The following GALNT10 variants were observed in gnomAD, a reference collection of about 807,000 sequenced individuals.
GALNT10 encodes the protein GalNAc transferase 10.
A neutral mutation model predicts 75.0 loss-of-function variants in GALNT10; 41 were observed. The ratio of observed to expected loss-of-function variants is 0.55; its 90% CI spans 0.43 to 0.71. The LOEUF (loss-of-function observed/expected upper bound fraction) is 0.71, where lower values mean the gene tolerates loss of function less well. GALNT10 is among the 30% of genes least tolerant of loss of function. GALNT10 has a pLI of 0.00. For synonymous variants in GALNT10, 302 were observed against 313.0 expected (o/e 0.96, Z 0.37); for missense variants, 727 against 818.5 (o/e 0.89, Z 1.36).
At chr5:154,356,839 G>A (rs1755304540) in intron 4 of GALNT10, among the ~76,000 whole-genome samples, 1 of 152,180 alleles carries the variant, frequency 6.6e-6, no homozygotes, top group Admixed American at 6.5e-5. Flanking sequence ...GGGTTTTGAG[G>A]GACCCGTTAT....
chr5:154,405,644 G>C (rs1338246077), intron 8 of GALNT10, among the ~76,000 whole-genome samples: 1 of 152,106 alleles, frequency 6.6e-6, no homozygotes, highest in African/African-American at 2.4e-5. Context: ...CAACCCTAAA[G>C]CATTCTTTTC....
At chr5:154,313,453 G>A (rs1561658293) in intron 3 of GALNT10, among the ~76,000 whole-genome samples, 1 of 152,100 alleles carries the variant, frequency 6.6e-6, no homozygotes, top group African/African-American at 2.4e-5. Flanking sequence ...GAAATCTCTG[G>A]TCCTAGTCAG....
chr5:154,231,245 T>G (rs1235397055), intron 1 of GALNT10, among the ~76,000 whole-genome samples: 2 of 152,242 alleles, frequency 1.3e-5, no homozygotes, highest in Admixed American at 1.3e-4. Context: ...GTTGGTATAA[T>G]GCATCCTCTT....
At chr5:154,251,118 G>A (rs770886448) in intron 1 of GALNT10, among the ~76,000 whole-genome samples, 8 of 152,092 alleles carry the variant, frequency 5.3e-5, no homozygotes, top group Non-Finnish European at 8.8e-5. Context: ...GTTATAAGGT[G>A]AACCCCTTTG....
Position 154,417,056 on chromosome 5 carries a change from G to A in GALNT10, c.*84G>A. ...TTCAAGGGAGGCAGGGCCCCTGTGG[G>A]CACTAGGTGTAAAAGGTGCTGGCCA... On this transcript the variant is annotated 3_prime_UTR_variant, in exon 12 of 12. Coordinates refer to ENST00000297107, the MANE Select transcript of GALNT10 (RefSeq NM_198321.4). The A allele has an allele frequency of 1.6e-6, 2 of 1,278,736 alleles. No homozygotes were observed. Among genetic ancestry groups the A allele is most frequent in the Non-Finnish European group, 2.2e-6 (2 of 893,760 alleles). 79.2% of individuals were successfully genotyped at this position (1,278,736 alleles called of 1,614,324 possible).
At chr5:154,246,942 G>C (rs566695345) in intron 1 of GALNT10, among the ~76,000 whole-genome samples, 4 of 152,150 alleles carry the variant, frequency 2.6e-5, no homozygotes, top group Non-Finnish European at 5.9e-5. Context: ...TATGGTTTTA[G>C]GTCTAACATT....
chr5:154,337,236 A>C (rs141304973), intron 4 of GALNT10, among the ~76,000 whole-genome samples: 1 of 152,358 alleles, frequency 6.6e-6, no homozygotes, highest in East Asian at 1.9e-4. Context: ...AATGCTTTAC[A>C]CTTTCCACAG....
At chr5:154,201,950 A>T (rs1775034394) in intron 1 of GALNT10, among the ~76,000 whole-genome samples, 1 of 146,620 alleles carries the variant, frequency 6.8e-6, no homozygotes, top group Non-Finnish European at 1.5e-5. Context: ...AAAAAAAAAA[A>T]GAAATGATGT....
In GALNT10 at chr5:154,261,379, G is replaced by A. The variant is rs115734713; in HGVS notation, c.160-33437G>A. Among the ~76,000 whole-genome samples, 1,054 of 152,236 alleles carry A rather than the reference G, an allele frequency of 6.9e-3. 14 individuals carry two copies. The highest frequency in any genetic ancestry group is 0.024 in the African/African-American group (1,016 of 41,540). On this transcript the variant is annotated intron_variant, in intron 1 of 11. Transcript: ENST00000297107. ...CTGTCCAGCAACACCACATACTACT[G>A]GTGAGGTCAAAGACCTCGGGGGTGT...
At chr5:154,395,018 C>T (rs10069053) in intron 7 of GALNT10, among the ~76,000 whole-genome samples, 1 of 152,142 alleles carries the variant, frequency 6.6e-6, no homozygotes, top group African/African-American at 2.4e-5. Context: ...GCCTGTGGAG[C>T]CTGCTTCTCC....
chr5:154,302,142 T>C (rs1365687149), intron 3 of GALNT10, among the ~76,000 whole-genome samples: 1 of 152,242 alleles, frequency 6.6e-6, no homozygotes, highest in Non-Finnish European at 1.5e-5. Flanking sequence ...TCCATTCAGT[T>C]TCTTTTAGCT....
chr5:154,409,953 G>A lies in GALNT10; in HGVS notation c.1386+191G>A, dbSNP rs1211065951. Among the ~76,000 whole-genome samples the A allele has an allele frequency of 6.6e-6, 1 of 152,174 alleles. No homozygotes were observed. The highest frequency in any genetic ancestry group is 2.4e-5 in the African/African-American group (1 of 41,438). On this transcript the variant is annotated intron_variant, in intron 9 of 11. Transcript: ENST00000297107. This position sits in a 1 kb window ranked among gnomAD's most constrained non-coding sequence, Gnocchi z 4.5. The stretch of plus-strand genomic sequence containing the variant: ...TTACTTGTTAGTTAGTGTTCTCAGT[G>A]TAGAAAAATTAAAACTTTAAGTTAT...
At position 154,412,948 on chromosome 5, in the gene GALNT10, A is replaced by G; in HGVS notation, c.1446A>G (p.Pro482=). The G allele has an allele frequency of 6.2e-7, 1 of 1,613,672 alleles. No homozygotes were observed. The highest frequency in any genetic ancestry group is 2.2e-5 in the East Asian group (1 of 44,872). ...CAAAGCACGGGGCCTTGGGCTCCCC[A>G]CTAAGGCTAGAGGGCTGCGTCCGAG... ...ADTKHGALGS[P]LRLEGCVRGR... The change falls in exon 10 of 12, where the codon CCA becomes CCG. Residue 482 remains proline, a synonymous_variant. Coordinates refer to ENST00000297107, the MANE Select transcript of GALNT10 (RefSeq NM_198321.4). The surrounding 1 kb of genome is among the most constrained non-coding windows in gnomAD (Gnocchi z 4.2).
intron 1 of GALNT10, among the ~76,000 whole-genome samples, chr5:154,238,375 A>G (rs190483149): frequency 9.9e-5 from 15 of 151,798 alleles, no homozygotes; most frequent in Admixed American, 6.6e-4. Flanking sequence ...AGGCATTTGC[A>G]TAGCACTTTC....
Position 154,412,580 on chromosome 5 carries a change from T to G in GALNT10, c.1387-309T>G. 6.5e-6 allele frequency: 2 copies of G among 308,214 alleles called. No homozygotes were observed. Among genetic ancestry groups the G allele is most frequent in the Non-Finnish European group, 1.2e-5 (2 of 161,828 alleles). The allele number at this position is 308,214 out of a possible 1,614,324, so 19.1% of individuals were successfully genotyped here. On this transcript the variant is annotated intron_variant, in intron 9 of 11. Transcript: ENST00000297107. The surrounding 1 kb of genome is among the most constrained non-coding windows in gnomAD (Gnocchi z 4.2). ...TGGTTCCTGGACCTGTCGGTTCAAT[T>G]TCTCCAGGAGTAGGGCCAGGGAGTC...
rs775637116 is a variant in GALNT10, at chr5:154,409,453, A to G, written c.1165-88A>G. ...ATGGAACATAAAATAAGAAGGGTTG[A>G]CCTCGACCTGCCAGGACCCTTTTCA... On this transcript the variant is annotated intron_variant, in intron 8 of 11. Coordinates refer to ENST00000297107, the MANE Select transcript of GALNT10 (RefSeq NM_198321.4). The surrounding 1 kb of genome is among the most constrained non-coding windows in gnomAD (Gnocchi z 4.5). 1.2e-6 allele frequency: 1 copy of G among 854,716 alleles called. No homozygotes were observed. The highest frequency in any genetic ancestry group is 1.3e-5 in the South Asian group (1 of 75,584). 52.9% of individuals were successfully genotyped at this position (854,716 alleles called of 1,614,324 possible).
rs141368362 is a variant in GALNT10 at position 154,262,339 on chromosome 5, C to A, written c.160-32477C>A. On this transcript the variant is annotated intron_variant, in intron 1 of 11. Transcript: ENST00000297107. ...CTCTCAGCTCAGTGCTTCAAATCTT[C>A]ATTTCTGTTGGAGAAGCTGTAGAGT... Among the ~76,000 whole-genome samples the A allele has an allele frequency of 2.0e-3, 308 of 152,310 alleles. 1 individual carries two copies. The highest frequency in any genetic ancestry group is 7.0e-3 in the African/African-American group (289 of 41,562).
intron 1 of GALNT10, among the ~76,000 whole-genome samples, chr5:154,194,519 C>G (rs1353628398): frequency 6.6e-6 from 1 of 152,206 alleles, no homozygotes; most frequent in Non-Finnish European, 1.5e-5. Flanking sequence ...TACATTCTTT[C>G]TGTCATTCTT....
intron 1 of GALNT10, among the ~76,000 whole-genome samples, chr5:154,273,579 C>G (rs1753903040): frequency 6.6e-6 from 1 of 152,096 alleles, no homozygotes; most frequent in Non-Finnish European, 1.5e-5. Context: ...ATCCCTGGGG[C>G]TCAGTTTGTT....
Sources: allele counts gnomAD v4.1 joint callset (sites outside exome capture counted in the v4.1 genomes callset), GRCh38; gene constraint gnomAD v4.1.1; non-coding constraint Gnocchi (gnomAD v3.1); transcripts MANE v1.5; gene names NCBI Gene and HGNC (gene_info 2026-07-23, HGNC 2026-07-21).